The following SAE1 variants were observed in gnomAD, a reference collection of about 807,000 sequenced individuals.
The protein encoded by SAE1 is SUMO1 activating enzyme subunit 1.
In SAE1, 11 loss-of-function variants were observed where a neutral mutation model predicts 40.6. The ratio of observed to expected loss-of-function variants is 0.27; its 90% CI spans 0.17 to 0.45. The LOEUF is 0.45. SAE1 is among the 20% of genes least tolerant of loss of function. SAE1 has a pLI of 1.00. For missense variants in SAE1, 373 were observed against 427.3 expected, an observed-to-expected ratio of 0.87 and a Z score of 1.12; for synonymous variants, 155 against 154.3, an observed-to-expected ratio of 1.00 and a Z score of -0.03.
intron 8 of SAE1, among the ~76,000 whole-genome samples, chr19:47,207,479 TG>T (rs148565971): frequency 0.023 from 3,451 of 152,260 alleles, 133 homozygotes; most frequent in East Asian, 0.19. Context: ...CCTCTTTAAA[TG>T]GTAGCTTGTG....
chr19:47,189,902 T>G (rs1284253706), intron 6 of SAE1, among the ~76,000 whole-genome samples: 1 of 152,244 alleles, frequency 6.6e-6, no homozygotes, highest in Non-Finnish European at 1.5e-5. Flanking sequence ...GCTGTCCAGA[T>G]TCCCGTTATA....
intron 6 of SAE1, among the ~76,000 whole-genome samples, chr19:47,173,431 A>G (rs1434808547): frequency 6.6e-6 from 1 of 152,184 alleles, no homozygotes; most frequent in Non-Finnish European, 1.5e-5. Context: ...ACCTGCACTG[A>G]ATATTCACTT....
At chr19:47,161,988 A>G (rs926561494) in intron 5 of SAE1, among the ~76,000 whole-genome samples, 1 of 152,182 alleles carries the variant, frequency 6.6e-6, no homozygotes, top group Non-Finnish European at 1.5e-5. Flanking sequence ...TGTTTAAATT[A>G]ATTAAAATCA....
Position 47,205,589 on chromosome 19 carries a change from G to A in SAE1, c.948+1849G>A, listed in dbSNP as rs549960118. ...GAGCAGGATTCTGAGGCTCCCTGTA[G>A]ACAAACTGCAGGAAAGAGTGCAGCA... On this transcript the variant is annotated intron_variant, in intron 8 of 8. Coordinates refer to ENST00000270225, the MANE Select transcript of SAE1 (RefSeq NM_005500.3). 2.6e-5 allele frequency among the ~76,000 whole-genome samples: 4 copies of A among 152,260 alleles called. No homozygotes were observed. The South Asian group carries it at 8.3e-4, about 32-fold the overall frequency.
chr19:47,179,577 G>T (rs1437422221), intron 6 of SAE1, among the ~76,000 whole-genome samples: 2 of 152,054 alleles, frequency 1.3e-5, no homozygotes, highest in East Asian at 3.9e-4. Flanking sequence ...ATGAGGTCTT[G>T]CTCTGTACCC....
chr19:47,182,487 GTGTGTGTGTGCGCGCACGCA>G (rs2058513690), intron 6 of SAE1, among the ~76,000 whole-genome samples: 2 of 144,914 alleles, frequency 1.4e-5, no homozygotes, highest in African/African-American at 5.4e-5. Context: ...GTGTGTGTGT[GTGTGTGTGTGCGCGCACGCA>G]CGCGCGCGCG....
chr19:47,166,027 C>T (rs2058390095), intron 5 of SAE1, among the ~76,000 whole-genome samples: 2 of 152,206 alleles, frequency 1.3e-5, no homozygotes, highest in South Asian at 4.1e-4. Flanking sequence ...TTTCTTCCCT[C>T]AGTTGTAGAC....
intron 5 of SAE1, among the ~76,000 whole-genome samples, chr19:47,160,324 C>T (rs1011581005): frequency 1.4e-5 from 2 of 142,816 alleles, no homozygotes; most frequent in Non-Finnish European, 1.5e-5. Flanking sequence ...CGGGTTTAAG[C>T]GATTCTCCTG....
At chr19:47,207,478 A>G (rs781082490) in intron 8 of SAE1, among the ~76,000 whole-genome samples, 3 of 151,626 alleles carry the variant, frequency 2.0e-5, no homozygotes, top group Non-Finnish European at 2.9e-5. Flanking sequence ...TCCTCTTTAA[A>G]TGGTAGCTTG....
chr19:47,155,445 A>G (rs1215359497), intron 5 of SAE1, among the ~76,000 whole-genome samples: 1 of 151,914 alleles, frequency 6.6e-6, no homozygotes, highest in East Asian at 1.9e-4. Flanking sequence ...AAACTTTTGT[A>G]GGCTCTGTCC....
At chr19:47,144,758 G>T (rs1225005682) in intron 2 of SAE1, among the ~76,000 whole-genome samples, 1 of 152,160 alleles carries the variant, frequency 6.6e-6, no homozygotes, top group Non-Finnish European at 1.5e-5. Context: ...GAGAATGTGG[G>T]CAGACTGCTT....
chr19:47,168,434 G>T (rs1475756400), intron 5 of SAE1, among the ~76,000 whole-genome samples: 1 of 151,914 alleles, frequency 6.6e-6, no homozygotes, highest in Non-Finnish European at 1.5e-5. Flanking sequence ...CTCCTGTGAA[G>T]CTGGTACCAC....
intron 6 of SAE1, among the ~76,000 whole-genome samples, chr19:47,182,471 G>GTA (rs1457591968): frequency 7.4e-6 from 1 of 135,156 alleles, no homozygotes; most frequent in East Asian, 2.1e-4. Flanking sequence ...CGTAGTGTGT[G>GTA]TGTGTGTGTG....
At position 47,168,204 on chromosome 19, in the gene SAE1, G is replaced by A. The variant is rs140461532; in HGVS notation, c.628-1614G>A. On this transcript the variant is annotated intron_variant, in intron 5 of 8. Coordinates refer to ENST00000270225, the MANE Select transcript of SAE1 (RefSeq NM_005500.3). ...GGGAGACTGTCTGGAAAAAAAAAAT[G>A]TTTAAAACAAAAAACTGTTTTTTTG... Among the ~76,000 whole-genome samples, 594 of 151,912 alleles carry A rather than the reference G, an allele frequency of 3.9e-3. 3 individuals carry two copies. The highest frequency in any genetic ancestry group is 0.013 in the African/African-American group (556 of 41,494).
intron 2 of SAE1, among the ~76,000 whole-genome samples, chr19:47,149,226 A>G (rs1189565666): frequency 7.1e-6 from 1 of 140,930 alleles, no homozygotes; most frequent in Admixed American, 7.7e-5. Context: ...GCTGGAGTAC[A>G]GTGGTGCAAT....
chr19:47,161,610 C>A (rs887952498), intron 5 of SAE1, among the ~76,000 whole-genome samples: 8 of 152,112 alleles, frequency 5.3e-5, no homozygotes, highest in African/African-American at 1.9e-4. Context: ...TGACATGGAA[C>A]TTATTATACA....
At position 47,209,192 on chromosome 19, in the gene SAE1, T is replaced by G. The variant is rs1285609370; in HGVS notation, c.982T>G (p.Phe328Val). 1 of 1,613,650 alleles carries G rather than the reference T, an allele frequency of 6.2e-7. No individual in the cohort carries two copies. The highest frequency in any genetic ancestry group is 8.5e-7 in the Non-Finnish European group (1 of 1,179,718). The change falls in exon 9 of 9, where the codon TTC becomes GTC. Residue 328 changes from phenylalanine (F) to valine (V), a missense_variant. This residue lies in a region of SAE1 where 351 missense variants were observed against 390.6 expected (regional missense o/e 0.90). Transcript: ENST00000270225. ...LSQRDPPHNN[F>V]FFFDGMKGNG... ...TCAGCGGGACCCTCCTCACAACAACTTCTTCTTCTTCGATGGCATGAAGGG... is the reference window on the plus strand; with the variant it reads ...TCAGCGGGACCCTCCTCACAACAACGTCTTCTTCTTCGATGGCATGAAGGG...
intron 6 of SAE1, among the ~76,000 whole-genome samples, chr19:47,196,333 CTT>C (rs61498882): frequency 1.3e-3 from 36 of 27,884 alleles, no homozygotes; most frequent in East Asian, 3.2e-3. Context: ...CCGCGCCTGG[CTT>C]TTTTTTTTTT....
intron 6 of SAE1, among the ~76,000 whole-genome samples, chr19:47,176,675 A>C (rs1046501631): frequency 2.0e-5 from 3 of 152,080 alleles, no homozygotes; most frequent in African/African-American, 7.2e-5. Context: ...CCCATTCACA[A>C]TTCAGCCACC....
Sources: allele counts gnomAD v4.1 joint callset (sites outside exome capture counted in the v4.1 genomes callset), GRCh38; gene constraint gnomAD v4.1.1; regional missense constraint gnomAD v4.1.1; transcripts MANE v1.5; gene names NCBI Gene and HGNC (gene_info 2026-07-23, HGNC 2026-07-21).